SMYD3: variants seen among roughly 807,000 people sequenced by gnomAD.
The protein encoded by SMYD3 is histone-lysine N-methyltransferase SMYD3.
SMYD3 carries 36 observed loss-of-function variants against 57.7 expected under a neutral mutation model. The observed-to-expected ratio is 0.62, with a 90% CI of 0.48 to 0.82. The LOEUF is 0.82. Ranked by LOEUF, SMYD3 falls within the 40% of genes least tolerant of loss-of-function variation. SMYD3 has a pLI of 0.00. For missense variants in SMYD3, 515 were observed against 538.8 expected, an observed-to-expected ratio of 0.96 and a Z score of 0.44; for synonymous variants, 211 against 195.0, an observed-to-expected ratio of 1.08 and a Z score of -0.68.
intron 5 of SMYD3, among the ~76,000 whole-genome samples, chr1:246,287,011 CA>C (rs959461833): frequency 4.0e-5 from 6 of 151,706 alleles, no homozygotes; most frequent in Non-Finnish European, 7.4e-5. Context: ...GCTGGGATTA[CA>C]GTTGTGCGCC....
chr1:246,420,863 T>C (rs184938555), intron 1 of SMYD3, among the ~76,000 whole-genome samples: 33 of 152,356 alleles, frequency 2.2e-4, no homozygotes, highest in Admixed American at 5.2e-4. Context: ...GAGGGATTAA[T>C]GCAGTAATTG....
At chr1:246,447,700 T>C (rs888936206) in intron 1 of SMYD3, among the ~76,000 whole-genome samples, 1 of 152,218 alleles carries the variant, frequency 6.6e-6, no homozygotes. Context: ...GTCAGCTCTA[T>C]GCTTAGTCAG....
chr1:246,029,438 G>A (rs2059628265), intron 5 of SMYD3, among the ~76,000 whole-genome samples: 1 of 152,142 alleles, frequency 6.6e-6, no homozygotes, highest in Non-Finnish European at 1.5e-5. Flanking sequence ...TTGGGAGACA[G>A]AGGCGGGCAG....
chr1:245,783,063 A>AG (rs1274868997), intron 10 of SMYD3, among the ~76,000 whole-genome samples: 2 of 152,192 alleles, frequency 1.3e-5, no homozygotes. Flanking sequence ...TCCTCAGCCA[A>AG]TATGTTTATT....
chr1:246,363,317 C>A (rs1422601196), intron 1 of SMYD3, among the ~76,000 whole-genome samples: 5 of 148,010 alleles, frequency 3.4e-5, no homozygotes, highest in African/African-American at 5.0e-5. Flanking sequence ...GCCCCCCGCC[C>A]GGCCAGCCGC....
chr1:245,946,074 A>G (rs2057419045), intron 5 of SMYD3, among the ~76,000 whole-genome samples: 1 of 152,230 alleles, frequency 6.6e-6, no homozygotes, highest in African/African-American at 2.4e-5. Context: ...ACATGTTTAC[A>G]TATGTAACAA....
intron 10 of SMYD3, among the ~76,000 whole-genome samples, chr1:245,822,587 C>T (rs550671874): frequency 1.3e-5 from 2 of 151,488 alleles, no homozygotes; most frequent in Admixed American, 1.3e-4. Context: ...CAGCATGCCT[C>T]TAGTTGCTGC....
chr1:245,904,544 A>T (rs1041189047), intron 8 of SMYD3, among the ~76,000 whole-genome samples: 2 of 152,162 alleles, frequency 1.3e-5, no homozygotes, highest in African/African-American at 4.8e-5. Flanking sequence ...GGAGCATTTA[A>T]ACTAGCCCTA....
At chr1:246,320,743 T>C (rs2065233216) in intron 5 of SMYD3, among the ~76,000 whole-genome samples, 1 of 152,224 alleles carries the variant, frequency 6.6e-6, no homozygotes. Context: ...TAAAGAAATC[T>C]TTTATGTGCA....
intron 5 of SMYD3, among the ~76,000 whole-genome samples, chr1:246,279,846 G>C (rs145485565): frequency 9.7e-4 from 147 of 152,280 alleles, no homozygotes; most frequent in African/African-American, 2.6e-3. Context: ...CCAGGTCTAA[G>C]AGTCTATCAT....
rs985803393 is a variant in SMYD3 at position 245,967,786 on chromosome 1, A to T, written c.532-37849T>A. ...TAACGGCAGAGCATTAAATGCAGAT[A>T]ATTCCATTTGCGACTAATTTACCCA... On this transcript the variant is annotated intron_variant, in intron 5 of 11. Coordinates refer to ENST00000490107, the MANE Select transcript of SMYD3 (RefSeq NM_001167740.2). Among the ~76,000 whole-genome samples the T allele has an allele frequency of 3.9e-5, 6 of 152,200 alleles. No individual in the cohort carries two copies. The East Asian group carries it at 1.2e-3, about 29-fold the overall frequency.
chr1:246,506,984 C>CCCCCCCCCCCCCCCCCCCCCCCA, intron 1 of SMYD3, 70 bp downstream of exon 1: 1 of 827,014 alleles, frequency 1.2e-6, no homozygotes. Flanking sequence ...TGCCGGCCGC[C>CCCCCCCCCCCCCCCCCCCCCCCA]CGACGCCCCC....
chr1:246,167,551 C>A (rs1269415635), intron 5 of SMYD3, among the ~76,000 whole-genome samples: 2 of 148,396 alleles, frequency 1.3e-5, no homozygotes, highest in Non-Finnish European at 3.0e-5. Flanking sequence ...CGCTCTGTGG[C>A]CCAGGCTGGA....
intron 7 of SMYD3, among the ~76,000 whole-genome samples, chr1:245,925,494 C>A (rs950319490): frequency 6.6e-6 from 1 of 152,122 alleles, no homozygotes; most frequent in African/African-American, 2.4e-5. Context: ...GTTTGAAAGG[C>A]ATAGGATATA....
chr1:246,308,209 T>G (rs6679072), intron 5 of SMYD3, among the ~76,000 whole-genome samples: 26,832 of 152,158 alleles, frequency 0.18, 2,648 homozygotes, highest in East Asian at 0.3. Context: ...TTTCTTTCAT[T>G]TATCCTACCA....
intron 11 of SMYD3, among the ~76,000 whole-genome samples, chr1:245,759,572 TG>T (rs2045755189): frequency 6.6e-6 from 1 of 152,172 alleles, no homozygotes; most frequent in African/African-American, 2.4e-5. Flanking sequence ...ACAACAGAAC[TG>T]CATGCTCTAA....
chr1:246,074,660 A>G (rs907502833), intron 5 of SMYD3, among the ~76,000 whole-genome samples: 5 of 152,216 alleles, frequency 3.3e-5, no homozygotes, highest in Admixed American at 3.3e-4. Flanking sequence ...GGGCAACTGC[A>G]AGTTGGATAG....
chr1:246,242,492 A>C (rs1486987150), intron 5 of SMYD3, among the ~76,000 whole-genome samples: 2 of 152,170 alleles, frequency 1.3e-5, no homozygotes, highest in Non-Finnish European at 2.9e-5. Context: ...ATATTTGCTG[A>C]GGAGTGCTTT....
At chr1:246,263,830 C>G (rs1179102675) in intron 5 of SMYD3, among the ~76,000 whole-genome samples, 2 of 152,118 alleles carry the variant, frequency 1.3e-5, no homozygotes. Flanking sequence ...TTACGTTAAC[C>G]ACTTCTTCAT....
Sources: allele counts gnomAD v4.1 joint callset (sites outside exome capture counted in the v4.1 genomes callset), GRCh38; gene constraint gnomAD v4.1.1; transcripts MANE v1.5; gene names NCBI Gene and HGNC (gene_info 2026-07-23, HGNC 2026-07-21).